The following PID1 variants were observed in gnomAD, a reference collection of about 807,000 sequenced individuals.
PID1 encodes phosphotyrosine interaction domain containing 1.
A neutral mutation model predicts 19.1 loss-of-function variants in PID1; 10 were observed. That is an observed-to-expected ratio of 0.52 (90% CI 0.32 to 0.89). The LOEUF is 0.89. Among genes scored for constraint, PID1 ranks in the 40% least tolerant of loss-of-function variants. PID1 has a pLI of 0.03. For missense variants in PID1, 248 were observed against 285.3 expected (o/e 0.87, Z 0.94); for synonymous variants, 130 against 116.0 (o/e 1.12, Z -0.78).
At chr2:229,139,116 A>C (rs1428851697) in intron 2 of PID1, among the ~76,000 whole-genome samples, 639 of 17,186 alleles carry the variant, frequency 0.037, 82 homozygotes, top group African/African-American at 0.17. Flanking sequence ...AGAAAGAAAG[A>C]GAAAGAAAGA....
chr2:229,126,623 A>T (rs1165929267), intron 2 of PID1, among the ~76,000 whole-genome samples: 1 of 152,182 alleles, frequency 6.6e-6, no homozygotes, highest in Non-Finnish European at 1.5e-5. Flanking sequence ...TTTAATGTAT[A>T]CTCTGATTCT....
chr2:229,029,076 G>A (rs2765934), intron 2 of PID1, among the ~76,000 whole-genome samples: 18,033 of 152,008 alleles, frequency 0.12, 1,355 homozygotes, highest in South Asian at 0.24. Context: ...ACCACCAGGA[G>A]GGGGAGGGTT....
intron 2 of PID1, among the ~76,000 whole-genome samples, chr2:229,065,015 G>A (rs935101795): frequency 1.3e-5 from 2 of 152,252 alleles, no homozygotes; most frequent in Non-Finnish European, 2.9e-5. Context: ...GCAGGCTCAA[G>A]AGAGTGATAA....
intron 1 of PID1, among the ~76,000 whole-genome samples, chr2:229,157,428 C>G (rs1293700537): frequency 2.4e-5 from 3 of 124,672 alleles, no homozygotes; most frequent in African/African-American, 3.5e-5. Context: ...AAGATTCCAT[C>G]TCAAAAAAAA....
chr2:229,170,941 T>C (rs1690700352), intron 1 of PID1, among the ~76,000 whole-genome samples: 1 of 152,148 alleles, frequency 6.6e-6, no homozygotes, highest in Non-Finnish European at 1.5e-5. Context: ...GACAAAACAA[T>C]GTAAGATTTA....
chr2:229,055,090 G>A (rs1045664514), intron 2 of PID1, among the ~76,000 whole-genome samples: 1 of 152,118 alleles, frequency 6.6e-6, no homozygotes, highest in Non-Finnish European at 1.5e-5. Flanking sequence ...TAGGTACTCT[G>A]AATTCGTCCA....
chr2:229,129,934 A>G (rs1351369730), intron 2 of PID1, among the ~76,000 whole-genome samples: 1 of 152,128 alleles, frequency 6.6e-6, no homozygotes, highest in East Asian at 1.9e-4. Flanking sequence ...TACCAGCAAC[A>G]TCGCTCACAC....
At chr2:229,098,086 T>C (rs562434983) in intron 2 of PID1, among the ~76,000 whole-genome samples, 4 of 152,194 alleles carry the variant, frequency 2.6e-5, no homozygotes, top group Non-Finnish European at 4.4e-5. Flanking sequence ...GCCTATGCCA[T>C]AGAGCATTCA....
intron 1 of PID1, among the ~76,000 whole-genome samples, chr2:229,214,098 G>C (rs989474544): frequency 1.3e-5 from 2 of 152,196 alleles, no homozygotes; most frequent in Non-Finnish European, 2.9e-5. Flanking sequence ...AATCAGGACT[G>C]TGTTCCAGAT....
chr2:229,037,886 G>A (rs1397078174), intron 2 of PID1, among the ~76,000 whole-genome samples: 1 of 152,176 alleles, frequency 6.6e-6, no homozygotes, highest in East Asian at 1.9e-4. Context: ...TCAGTATCAA[G>A]CACACTGCTT....
chr2:229,232,360 A>C (rs572767863), intron 1 of PID1, among the ~76,000 whole-genome samples: 166 of 130,956 alleles, frequency 1.3e-3, no homozygotes, highest in African/African-American at 4.5e-3. Flanking sequence ...TGAACCTGTG[A>C]GGCAGAGCCT....
chr2:229,265,413 C>T (rs978076321), intron 1 of PID1, among the ~76,000 whole-genome samples: 35 of 152,352 alleles, frequency 2.3e-4, no homozygotes, highest in African/African-American at 7.9e-4. Flanking sequence ...CTTCCTTTTG[C>T]AGTCTTTGGC....
At chr2:229,068,208 C>A (rs1694371460) in intron 2 of PID1, among the ~76,000 whole-genome samples, 1 of 152,164 alleles carries the variant, frequency 6.6e-6, no homozygotes, top group African/African-American at 2.4e-5. Context: ...GAGAAGGGAG[C>A]TGTGCTTGAG....
At position 229,084,636 on chromosome 2, in the gene PID1, G is replaced by A. The variant is rs145180435; in HGVS notation, c.178-58528C>T. Among the ~76,000 whole-genome samples, 36 of 152,240 alleles carry A rather than the reference G, an allele frequency of 2.4e-4. 1 individual carries two copies. In the East Asian group the frequency reaches 3.5e-3, roughly 15 times the overall value. ...GATGACACAGACTCTGAAGCAATGC[G>A]AAAGCAGCCAACTTTCAACCACTAC... On this transcript the variant is annotated intron_variant, in intron 2 of 2. Transcript: ENST00000392055.
chr2:229,088,241 T>G (rs925447917), intron 2 of PID1, among the ~76,000 whole-genome samples: 4 of 152,196 alleles, frequency 2.6e-5, no homozygotes, highest in Non-Finnish European at 4.4e-5. Context: ...AACAATTTTT[T>G]GGGTTTCGGT....
At chr2:229,048,594 G>C (rs1418139773) in intron 2 of PID1, among the ~76,000 whole-genome samples, 1 of 152,140 alleles carries the variant, frequency 6.6e-6, no homozygotes, top group East Asian at 1.9e-4. Context: ...GGCAGGAAGG[G>C]ACTGAAATTC....
intron 2 of PID1, among the ~76,000 whole-genome samples, chr2:229,120,611 T>C (rs1318319999): frequency 6.7e-6 from 1 of 148,938 alleles, no homozygotes; most frequent in Non-Finnish European, 1.5e-5. Flanking sequence ...ATAATATCTA[T>C]ATTATATATA....
intron 1 of PID1, among the ~76,000 whole-genome samples, chr2:229,233,104 G>T (rs901302136): frequency 6.6e-6 from 1 of 151,912 alleles, no homozygotes; most frequent in East Asian, 1.9e-4. Context: ...AGAAGGCAGC[G>T]GATGTTTTCA....
intron 2 of PID1, among the ~76,000 whole-genome samples, chr2:229,095,146 C>A (rs568631557): frequency 1.3e-5 from 2 of 152,262 alleles, no homozygotes; most frequent in African/African-American, 4.8e-5. Context: ...CACACAAACA[C>A]AGAGAGACCC....
Sources: gnomAD v4.1 joint callset for allele counts (sites outside exome capture counted in the v4.1 genomes callset) on GRCh38, gnomAD v4.1.1 for gene constraint, MANE v1.5 for transcripts, NCBI Gene and HGNC (gene_info 2026-07-23, HGNC 2026-07-21) for gene names.